Variants in PPP1R1C observed in about 807,000 individuals in gnomAD.
PPP1R1C encodes protein phosphatase 1 regulatory subunit 1C.
Under a neutral mutation model 17.4 loss-of-function variants are expected in PPP1R1C, and 15 were observed. The observed-to-expected ratio is 0.86, with a 90% CI of 0.58 to 1.33. The LOEUF (loss-of-function observed/expected upper bound fraction) is 1.33, where lower values mean the gene tolerates loss of function less well. Among genes scored for constraint, PPP1R1C ranks in the 40% most tolerant of loss-of-function variants. The probability of loss-of-function intolerance (pLI) is 0.00; values close to 1 mark genes in which losing one functional copy is unlikely to be tolerated. For missense variants in PPP1R1C, 143 were observed against 130.0 expected (o/e 1.10, Z -0.48); for synonymous variants, 35 against 43.1 (o/e 0.81, Z 0.73).
chr2:182,010,622 C>G (rs186039343), intron 2 of PPP1R1C, among the ~76,000 whole-genome samples: 95 of 152,054 alleles, frequency 6.2e-4, no homozygotes, highest in African/African-American at 2.2e-3. Flanking sequence ...ATTTCTTTTT[C>G]TTATCTAATT....
chr2:182,036,998 G>A lies in PPP1R1C; in HGVS notation c.143-24444G>A, dbSNP rs572617416. Among the ~76,000 whole-genome samples the A allele has an allele frequency of 9.2e-5, 14 of 152,330 alleles. No homozygotes were observed. The South Asian group carries it at 1.9e-3, about 20-fold the overall frequency. ...ACAACATGTGAATTTCAAAGAGAGA[G>A]TGGATTTGTAGCAATTGTATTAGAG... On this transcript the variant is annotated intron_variant, in intron 2 of 4. Transcript: ENST00000682840.
At chr2:182,063,308 G>T in intron 3 of PPP1R1C, among the ~76,000 whole-genome samples, 1 of 151,898 alleles carries the variant, frequency 6.6e-6, no homozygotes, top group South Asian at 2.1e-4. Flanking sequence ...GATCTTCATT[G>T]TTCCTCTTGA....
At chr2:182,050,359 A>G (rs1163962025) in intron 2 of PPP1R1C, among the ~76,000 whole-genome samples, 2 of 152,096 alleles carry the variant, frequency 1.3e-5, no homozygotes, top group East Asian at 1.9e-4. Flanking sequence ...CCACCTTGCT[A>G]TCTTGTACCG....
chr2:182,109,024 C>T (rs1190097090), intron 4 of PPP1R1C, among the ~76,000 whole-genome samples: 1 of 152,158 alleles, frequency 6.6e-6, no homozygotes, highest in Non-Finnish European at 1.5e-5. Context: ...CAGGTGTTGT[C>T]AGTGTTTTGG....
At chr2:182,090,486 C>T (rs555696606) in intron 4 of PPP1R1C, among the ~76,000 whole-genome samples, 2 of 152,138 alleles carry the variant, frequency 1.3e-5, no homozygotes, top group South Asian at 2.1e-4. Flanking sequence ...TATTTATAAC[C>T]GGTAAAAACC....
chr2:181,960,059 T>A (rs1486270863), intron 1 of PPP1R1C, among the ~76,000 whole-genome samples: 1 of 152,218 alleles, frequency 6.6e-6, no homozygotes, highest in Non-Finnish European at 1.5e-5. Flanking sequence ...AAGGTAAATA[T>A]TGCCTCAAAA....
At chr2:181,994,243 A>T (rs1685552344) in intron 2 of PPP1R1C, among the ~76,000 whole-genome samples, 1 of 152,078 alleles carries the variant, frequency 6.6e-6, no homozygotes, top group Non-Finnish European at 1.5e-5. Context: ...TAATTGACAT[A>T]TTTGTGGCCA....
upstream of PPP1R1C, among the ~76,000 whole-genome samples, chr2:181,984,047 A>G (rs1368008171): frequency 6.6e-6 from 1 of 152,226 alleles, no homozygotes; most frequent in Non-Finnish European, 1.5e-5. Flanking sequence ...TTTATCACCT[A>G]TTATTCTAAG....
chr2:181,987,117 T>C (rs1685321158), intron 1 of PPP1R1C, among the ~76,000 whole-genome samples: 1 of 152,208 alleles, frequency 6.6e-6, no homozygotes, highest in Admixed American at 6.5e-5. Context: ...TGCTTCTATC[T>C]TGGACAGGAT....
intron 3 of PPP1R1C, among the ~76,000 whole-genome samples, chr2:182,063,143 G>C (rs1046821918): frequency 6.6e-6 from 1 of 151,838 alleles, no homozygotes; most frequent in African/African-American, 2.4e-5. Flanking sequence ...ATAATGCTTA[G>C]GTAAGAGTGT....
Position 181,965,937 on chromosome 2 carries a change from A to G in PPP1R1C, n.112-9282A>G, listed in dbSNP as rs62192105. On this transcript the variant is annotated intron_variant and non_coding_transcript_variant, in intron 1 of 5. Coordinates refer to the PPP1R1C transcript ENST00000464264. Reference sequence around the variant, plus strand: ...ATATTAACTCTTCCAATCCATGAAGATGAAATATTTTTGCACTCTTTCATT... The same window carrying G: ...ATATTAACTCTTCCAATCCATGAAGGTGAAATATTTTTGCACTCTTTCATT... 1.0e-2 allele frequency among the ~76,000 whole-genome samples: 1,517 copies of G among 152,254 alleles called. 32 individuals carry two copies. Among genetic ancestry groups the G allele is most frequent in the Middle Eastern group, 0.017 (5 of 294 alleles).
At chr2:182,035,672 C>T (rs1417934666) in intron 2 of PPP1R1C, among the ~76,000 whole-genome samples, 1 of 152,132 alleles carries the variant, frequency 6.6e-6, no homozygotes. Context: ...CTCTCTCTCT[C>T]TCATGCTGGC....
At chr2:182,071,367 TA>T (rs906204513) in intron 4 of PPP1R1C, among the ~76,000 whole-genome samples, 31 of 152,294 alleles carry the variant, frequency 2.0e-4, no homozygotes, top group African/African-American at 7.0e-4. Context: ...TTCTCAGGAT[TA>T]TATTGAGGTA....
intron 5 of PPP1R1C, among the ~76,000 whole-genome samples, chr2:182,122,920 T>C (rs1997443): frequency 6.6e-6 from 1 of 151,546 alleles, no homozygotes; most frequent in Non-Finnish European, 1.5e-5. Context: ...GTTTGTTACA[T>C]AGGTATACAG....
At chr2:182,022,689 C>G (rs1246011252) in intron 2 of PPP1R1C, among the ~76,000 whole-genome samples, 1 of 152,188 alleles carries the variant, frequency 6.6e-6, no homozygotes, top group Non-Finnish European at 1.5e-5. Flanking sequence ...CTATTAACCA[C>G]TACTGTAGAA....
chr2:182,052,653 A>G (rs927015007), intron 2 of PPP1R1C, among the ~76,000 whole-genome samples: 10 of 152,186 alleles, frequency 6.6e-5, no homozygotes, highest in African/African-American at 2.4e-4. Flanking sequence ...TCACCCCAAC[A>G]CAGCAGGCTG....
chr2:181,963,534 G>A (rs1387201196), intron 1 of PPP1R1C, among the ~76,000 whole-genome samples: 1 of 152,136 alleles, frequency 6.6e-6, no homozygotes, highest in Non-Finnish European at 1.5e-5. Flanking sequence ...AGCTACTCAG[G>A]AGGCTGCAGC....
chr2:182,061,994 C>A (rs1687863775), intron 3 of PPP1R1C, among the ~76,000 whole-genome samples: 1 of 152,064 alleles, frequency 6.6e-6, no homozygotes, highest in Non-Finnish European at 1.5e-5. Context: ...ACTCTCTATT[C>A]CCTCCACATA....
downstream of PPP1R1C, chr2:182,131,381 G>C (rs1166165657): frequency 6.6e-6 from 1 of 152,044 alleles, no homozygotes; most frequent in Non-Finnish European, 1.5e-5. Flanking sequence ...GGTTTCTAAA[G>C]GAAAGATAGA....
Sources: allele counts gnomAD v4.1 joint callset (sites outside exome capture counted in the v4.1 genomes callset), GRCh38; gene constraint gnomAD v4.1.1; transcripts MANE v1.5; gene names NCBI Gene and HGNC (gene_info 2026-07-23, HGNC 2026-07-21).